The following ARSG variants were observed in gnomAD, a reference collection of about 807,000 sequenced individuals.
ARSG encodes the protein ASG.
Under a neutral mutation model 50.5 loss-of-function variants are expected in ARSG, and 37 were observed. The ratio of observed to expected loss-of-function variants is 0.73; its 90% CI spans 0.56 to 0.96. The LOEUF is 0.96. ARSG is among the 50% of genes least tolerant of loss of function. The pLI, the probability that ARSG is intolerant of heterozygous loss-of-function variation, is 0.00. For missense variants in ARSG, 629 were observed against 675.3 expected (o/e 0.93, Z 0.76); for synonymous variants, 225 against 254.6 (o/e 0.88, Z 1.11).
chr17:68,352,751 C>G (rs2078858016), intron 5 of ARSG, among the ~76,000 whole-genome samples: 1 of 152,154 alleles, frequency 6.6e-6, no homozygotes, highest in Non-Finnish European at 1.5e-5. Flanking sequence ...CTCAGGTGAT[C>G]TGCCCACTTC....
Position 68,408,343 on chromosome 17 carries a change from C to T in ARSG, c.1303+6893C>T, listed in dbSNP as rs2081837666. Among the ~76,000 whole-genome samples, 3 of 140,122 alleles carry T rather than the reference C, an allele frequency of 2.1e-5. No individual in the cohort carries two copies. In the Admixed American group the frequency reaches 2.4e-4, roughly 11 times the overall value. 91.9% of individuals were successfully genotyped at this position (140,122 alleles called of 152,430 possible). A position where few individuals can be genotyped will look rare whatever the true frequency, so the allele number is the denominator to read the frequency against. ...CCTGTGTCCATGTGTTCTCATTGTT[C>T]AATTCCCACCTATGAGTGAGAAGAT... is the stretch of plus-strand genomic sequence containing the variant. On this transcript the variant is annotated intron_variant, in intron 11 of 11. Coordinates refer to ENST00000621439, the MANE Select transcript of ARSG (RefSeq NM_001267727.2).
chr17:68,352,084 C>G (rs111493881), intron 5 of ARSG, among the ~76,000 whole-genome samples: 412 of 84,544 alleles, frequency 4.9e-3, no homozygotes, highest in Middle Eastern at 8.1e-3. Flanking sequence ...GAGAGAGAGA[C>G]AGAGGAGAGA....
At chr17:68,392,624 C>G (rs1014171006) in intron 9 of ARSG, among the ~76,000 whole-genome samples, 1 of 152,174 alleles carries the variant, frequency 6.6e-6, no homozygotes, top group Admixed American at 6.5e-5. Flanking sequence ...CTCAGCCTCC[C>G]AAGTAGCTGG....
At chr17:68,295,063 A>G (rs2145328517) in intron 1 of ARSG, among the ~76,000 whole-genome samples, 1 of 152,312 alleles carries the variant, frequency 6.6e-6, no homozygotes, top group East Asian at 1.9e-4. Flanking sequence ...GGATTGGCTC[A>G]TGGTCAGGTT....
intron 2 of ARSG, among the ~76,000 whole-genome samples, chr17:68,312,917 A>G (rs746985641): frequency 2.6e-5 from 4 of 151,980 alleles, no homozygotes; most frequent in Non-Finnish European, 5.9e-5. Flanking sequence ...TTGTGCATGA[A>G]TTTTCTAGGA....
intron 1 of ARSG, among the ~76,000 whole-genome samples, chr17:68,262,282 T>C (rs572005948): frequency 6.6e-5 from 10 of 151,468 alleles, no homozygotes; most frequent in African/African-American, 2.4e-4. Flanking sequence ...CCATCCTGGC[T>C]AACACGGTGA....
At chr17:68,289,026 A>G (rs1418519849), upstream of ARSG, among the ~76,000 whole-genome samples, 1 of 152,182 alleles carries the variant, frequency 6.6e-6, no homozygotes, top group Non-Finnish European at 1.5e-5. Context: ...ATTTCCTAGT[A>G]GCATGTGGTT....
chr17:68,272,940 G>T (rs530730269), intron 1 of ARSG, among the ~76,000 whole-genome samples: 2 of 151,890 alleles, frequency 1.3e-5, no homozygotes, highest in African/African-American at 2.4e-5. Context: ...TTTCATTAAC[G>T]GTCTGGATAA....
rs548191067 is a variant in ARSG at position 68,306,975 on chromosome 17, T to A, written c.-519T>A. The A allele has an allele frequency of 1.3e-5, 2 of 152,718 alleles. No homozygotes were observed. The highest frequency in any genetic ancestry group is 4.8e-5 in the African/African-American group (2 of 41,568). The allele number at this position is 152,718 out of a possible 1,614,324, so 9.5% of individuals were successfully genotyped here. On this transcript the variant is annotated 5_prime_UTR_variant, in exon 2 of 12. Coordinates refer to ENST00000621439, the MANE Select transcript of ARSG (RefSeq NM_001267727.2). ...TACAGAAACATGAAGCCCTCAACCA[T>A]CTGCTACTCAGTTATTCGGGGCTGA...
intron 9 of ARSG, among the ~76,000 whole-genome samples, chr17:68,389,842 G>A (rs1299495889): frequency 6.6e-6 from 1 of 151,980 alleles, no homozygotes; most frequent in Non-Finnish European, 1.5e-5. Context: ...GGGCTGCCCA[G>A]CACAGCACCT....
At chr17:68,300,320 A>G (rs1555761262) in intron 1 of ARSG, among the ~76,000 whole-genome samples, 1 of 152,204 alleles carries the variant, frequency 6.6e-6, no homozygotes, top group African/African-American at 2.4e-5. Flanking sequence ...AGCCAGCCTG[A>G]CCATGTGTTG....
intron 7 of ARSG, 70 bp downstream of exon 7, chr17:68,368,814 C>A: frequency 6.6e-7 from 1 of 1,521,844 alleles, no homozygotes; most frequent in Non-Finnish European, 9.0e-7. Context: ...CTGTGAAGAG[C>A]AGAGTCTGGC....
At chr17:68,318,267 G>C (rs1428511913) in intron 2 of ARSG, among the ~76,000 whole-genome samples, 3 of 152,228 alleles carry the variant, frequency 2.0e-5, no homozygotes, top group Non-Finnish European at 4.4e-5. Context: ...AGATAACTCT[G>C]AGAGCTCGGT....
At chr17:68,385,979 C>G (rs1437404389) in intron 9 of ARSG, among the ~76,000 whole-genome samples, 1 of 152,214 alleles carries the variant, frequency 6.6e-6, no homozygotes, top group Non-Finnish European at 1.5e-5. Context: ...TTCCTCCTGC[C>G]TCTGGCCATG....
At chr17:68,303,273 C>T (rs1342675635) in intron 1 of ARSG, among the ~76,000 whole-genome samples, 1 of 152,012 alleles carries the variant, frequency 6.6e-6, no homozygotes, top group Non-Finnish European at 1.5e-5. Flanking sequence ...TGTAGATGTA[C>T]ACCACCATGC....
At chr17:68,443,495 T>C in the ARSG span, among the ~76,000 whole-genome samples, 1 of 152,206 alleles carries the variant, frequency 6.6e-6, no homozygotes. Flanking sequence ...ATTTATAGAA[T>C]TGGAATGAAG....
the ARSG span, among the ~76,000 whole-genome samples, chr17:68,449,349 G>A: frequency 2.0e-5 from 3 of 152,202 alleles, no homozygotes; most frequent in African/African-American, 7.2e-5. Flanking sequence ...CAGTAATTTG[G>A]CCAAGCGTGG....
intron 1 of ARSG, among the ~76,000 whole-genome samples, chr17:68,270,048 A>G (rs2075285925): frequency 1.3e-5 from 2 of 152,316 alleles, no homozygotes; most frequent in Non-Finnish European, 1.5e-5. Context: ...GATCTAAGAT[A>G]TGAAACATAC....
chr17:68,315,266 G>T (rs1259256184), intron 2 of ARSG, among the ~76,000 whole-genome samples: 3 of 152,172 alleles, frequency 2.0e-5, no homozygotes, highest in Non-Finnish European at 4.4e-5. Flanking sequence ...AGGAGGCCAG[G>T]CGTGGTGGTT....
Sources: allele counts gnomAD v4.1 joint callset (sites outside exome capture counted in the v4.1 genomes callset), GRCh38; gene constraint gnomAD v4.1.1; transcripts MANE v1.5; gene names NCBI Gene and HGNC (gene_info 2026-07-23, HGNC 2026-07-21).